The following ABRAXAS2 variants were observed in gnomAD, a reference collection of about 807,000 sequenced individuals.
The protein encoded by ABRAXAS2 is BRISC complex subunit Abraxas 2.
ABRAXAS2 carries 23 observed loss-of-function variants against 49.0 expected under a neutral mutation model. The ratio of observed to expected loss-of-function variants is 0.47; its 90% CI spans 0.34 to 0.66. ABRAXAS2 has a LOEUF of 0.66. Among genes scored for constraint, ABRAXAS2 ranks in the 30% least tolerant of loss-of-function variants. The probability of loss-of-function intolerance (pLI) is 0.01; values close to 1 mark genes in which losing one functional copy is unlikely to be tolerated. For missense variants in ABRAXAS2, 443 were observed against 511.9 expected (o/e 0.87, Z 1.30); for synonymous variants, 168 against 180.2 (o/e 0.93, Z 0.54).
intron 8 of ABRAXAS2, 73 bp from the exon 9 acceptor site, chr10:124,834,429 G>T (rs994414854): frequency 4.7e-6 from 6 of 1,283,322 alleles, no homozygotes; most frequent in Non-Finnish European, 6.5e-6. Context: ...CATTCAGGTT[G>T]GCCGTGTTAT....
intron 1 of ABRAXAS2, 98 bp downstream of exon 1, chr10:124,801,999 C>T (rs1950708121): frequency 1.6e-6 from 2 of 1,284,764 alleles, no homozygotes; most frequent in Non-Finnish European, 1.1e-6. Context: ...GGCTCGCCCC[C>T]TGGGCACCAG....
At position 124,828,737 on chromosome 10, in the gene ABRAXAS2, C is replaced by T. The variant is rs772990001; in HGVS notation, c.459-19C>T. On this transcript the variant is annotated intron_variant, in intron 5 of 8. Transcript: ENST00000298492. Reference sequence around the variant, plus strand: ...TAGAATGGTACATTTAACATGATCTCTCTGAATTTTTCCCATAGGTATAAT... The same window carrying T: ...TAGAATGGTACATTTAACATGATCTTTCTGAATTTTTCCCATAGGTATAAT... 10 of 1,608,414 alleles carry T rather than the reference C, an allele frequency of 6.2e-6. No homozygotes were observed. Among genetic ancestry groups the T allele is most frequent in the South Asian group, 1.1e-5 (1 of 90,756 alleles).
chr10:124,820,004 AC>A (rs1315870567), intron 4 of ABRAXAS2, among the ~76,000 whole-genome samples: 1 of 152,152 alleles, frequency 6.6e-6, no homozygotes, highest in African/African-American at 2.4e-5. Context: ...TACTTTTTTT[AC>A]CTTGGGATAT....
intron 4 of ABRAXAS2, among the ~76,000 whole-genome samples, chr10:124,822,330 T>C (rs1950866663): frequency 6.6e-6 from 1 of 152,132 alleles, no homozygotes; most frequent in African/African-American, 2.4e-5. Flanking sequence ...AACAAAAGCC[T>C]GAGTGGGTGT....
chr10:124,807,244 C>T (rs1240395464), intron 2 of ABRAXAS2, among the ~76,000 whole-genome samples: 2 of 125,524 alleles, frequency 1.6e-5, no homozygotes, highest in South Asian at 2.7e-4. Context: ...ACCTGGGAGG[C>T]GGAGGTTGCA....
intron 2 of ABRAXAS2, among the ~76,000 whole-genome samples, chr10:124,808,988 G>A (rs920789546): frequency 3.3e-5 from 5 of 152,034 alleles, no homozygotes; most frequent in African/African-American, 7.2e-5. Context: ...AAAATTAGCC[G>A]GGTGTGGTGG....
chr10:124,831,311 G>T, intron 7 of ABRAXAS2, 38 bp from the exon 8 acceptor site: 2 of 1,270,328 alleles, frequency 1.6e-6, no homozygotes, highest in South Asian at 2.4e-5. Context: ...CCTTGTGCTT[G>T]AACTTGAAGC....
chr10:124,801,968 G>A (rs1237079792), intron 1 of ABRAXAS2, 67 bp downstream of exon 1: 1 of 1,527,300 alleles, frequency 6.5e-7, no homozygotes, highest in Non-Finnish European at 9.0e-7. Flanking sequence ...CGGCGCTCGC[G>A]GCCAAGCCGG....
chr10:124,804,902 C>T (rs1321070327), intron 1 of ABRAXAS2, among the ~76,000 whole-genome samples: 7 of 151,372 alleles, frequency 4.6e-5, no homozygotes, highest in Admixed American at 6.6e-5. Flanking sequence ...TTAGTAGAGA[C>T]GGGGTTTCTC....
rs757625361 is a variant in ABRAXAS2, at chr10:124,834,933, G to A, written c.1210G>A (p.Asp404Asn). ...GGATTCTCGACCCATGGCACATCCCGACGAGGACCCCAGGAACACTCAGAC... is the reference window on the plus strand; with the variant it reads ...GGATTCTCGACCCATGGCACATCCCAACGAGGACCCCAGGAACACTCAGAC... ...SKDSRPMAHP[D>N]EDPRNTQTSQ... Residue 404 changes from aspartate to asparagine, a missense_variant, in exon 9 of 9, where the codon GAC becomes AAC. Physicochemically the swap from Asp to Asn is conservative, Grantham distance 23. Around this residue, in one of 3 missense-constraint regions of ABRAXAS2, gnomAD observed 230 missense variants for 237.0 expected, o/e 0.97. Coordinates refer to ENST00000298492, the MANE Select transcript of ABRAXAS2 (RefSeq NM_032182.4). 8 of 1,613,384 alleles carry A rather than the reference G, an allele frequency of 5.0e-6. No individual in the cohort carries two copies. The East Asian group carries it at 1.3e-4, about 27-fold the overall frequency.
chr10:124,803,257 G>A (rs61872091), intron 1 of ABRAXAS2, among the ~76,000 whole-genome samples: 3,707 of 152,266 alleles, frequency 0.024, 72 homozygotes, highest in South Asian at 0.08. Context: ...TCTGCAAGGC[G>A]TGGTGCTTGA....
chr10:124,820,466 C>T (rs1406707837), intron 4 of ABRAXAS2, among the ~76,000 whole-genome samples: 2 of 152,092 alleles, frequency 1.3e-5, no homozygotes, highest in Non-Finnish European at 2.9e-5. Flanking sequence ...TATGAATCTT[C>T]ATTATACTTT....
intron 3 of ABRAXAS2, 143 bp downstream of exon 3, chr10:124,816,755 C>A: frequency 1.6e-6 from 1 of 627,690 alleles, no homozygotes; most frequent in South Asian, 2.0e-5. Context: ...TTGTACACGG[C>A]ACTGTGTTAG....
intron 2 of ABRAXAS2, among the ~76,000 whole-genome samples, chr10:124,809,205 A>G (rs147197404): frequency 6.6e-6 from 1 of 152,370 alleles, no homozygotes; most frequent in East Asian, 1.9e-4. Flanking sequence ...AACTTTGGTC[A>G]TGTTGGGAGC....
intron 1 of ABRAXAS2, among the ~76,000 whole-genome samples, chr10:124,802,275 C>T (rs1385360421): frequency 6.6e-6 from 1 of 152,196 alleles, no homozygotes; most frequent in Non-Finnish European, 1.5e-5. Flanking sequence ...GGGAAGGAAT[C>T]TAAAGGCCGG....
chr10:124,834,921 A>C lies in ABRAXAS2; in HGVS notation c.1198A>C (p.Met400Leu). 1 of 1,614,008 alleles carries C rather than the reference A, an allele frequency of 6.2e-7. No individual in the cohort carries two copies. Among genetic ancestry groups the C allele is most frequent in the African/African-American group, 1.3e-5 (1 of 75,052 alleles). ...CTCACATTCAAAGGATTCTCGACCC[A>C]TGGCACATCCCGACGAGGACCCCAG... ...EYSHSKDSRPMAHPDEDPRNT... is the reference protein window; with the variant it reads ...EYSHSKDSRPLAHPDEDPRNT... The change falls in exon 9 of 9, where the codon ATG (methionine) becomes CTG (leucine). Residue 400 changes from methionine (M) to leucine (L), a missense_variant. Transcript: ENST00000298492.
chr10:124,826,727 T>G lies in ABRAXAS2; in HGVS notation c.400T>G (p.Ser134Ala). The G allele has an allele frequency of 6.2e-7, 1 of 1,614,176 alleles. No individual in the cohort carries two copies. Among genetic ancestry groups the G allele is most frequent in the Non-Finnish European group, 8.5e-7 (1 of 1,180,038 alleles). Residue 134 changes from serine (S) to alanine (A), a missense_variant, in exon 5 of 9, where the codon TCC becomes GCC. By Grantham distance (99) the Ser-to-Ala change is moderately conservative. Transcript: ENST00000298492. Reference sequence around the variant, plus strand: ...CGTCTTTCTTCTCTTCAGCTTCATCTCCACTGCCAACAATTCCACTCACGC... The same window carrying G: ...CGTCTTTCTTCTCTTCAGCTTCATCGCCACTGCCAACAATTCCACTCACGC... ...DLVFLLFSFI[S>A]TANNSTHALE...
In ABRAXAS2 at chr10:124,826,595, A is replaced by G. The variant is rs1482379439; in HGVS notation, c.268A>G (p.Lys90Glu). ...LDRILKDRRK[K>E]VIGWYRFRRN... is the part of the protein sequence containing the mutation. ...GCAACTTTTCACACTTTTCTTTCAG[A>G]AAGTCATTGGGTGGTACAGATTCCG... Residue 90 changes from lysine (K) to glutamate (E), a missense_variant and splice_region_variant, in exon 5 of 9, where the codon AAA becomes GAA. By Grantham distance (56) the Lys-to-Glu change is moderately conservative. Around this residue, in one of 3 missense-constraint regions of ABRAXAS2, gnomAD observed 166 missense variants for 247.3 expected, o/e 0.67. Transcript: ENST00000298492. The G allele has an allele frequency of 6.3e-7, 1 of 1,599,388 alleles. No individual in the cohort carries two copies. The highest frequency in any genetic ancestry group is 1.3e-5 in the African/African-American group (1 of 74,400).
At chr10:124,817,372 A>C (rs1038977033) in intron 3 of ABRAXAS2, among the ~76,000 whole-genome samples, 27 of 152,252 alleles carry the variant, frequency 1.8e-4, no homozygotes, top group African/African-American at 6.3e-4. Context: ...TGAGGAAAAG[A>C]AAGTCCAGGG....
Sources: allele counts gnomAD v4.1 joint callset (sites outside exome capture counted in the v4.1 genomes callset), GRCh38; gene constraint gnomAD v4.1.1; regional missense constraint gnomAD v4.1.1; transcripts MANE v1.5; gene names NCBI Gene and HGNC (gene_info 2026-07-23, HGNC 2026-07-21).